Variants in MNS1 observed in about 807,000 individuals in gnomAD.
The protein encoded by MNS1 is meiosis-specific nuclear structural protein 1.
MNS1 carries 63 observed loss-of-function variants against 72.0 expected under a neutral mutation model. The observed-to-expected ratio is 0.87, with a 90% CI of 0.71 to 1.08. MNS1 has a LOEUF of 1.08. Among genes scored for constraint, MNS1 ranks in the 50% least tolerant of loss-of-function variants. The pLI, the probability that MNS1 is intolerant of heterozygous loss-of-function variation, is 0.00. For missense variants in MNS1, 604 were observed against 562.4 expected (o/e 1.07, Z -0.75); for synonymous variants, 188 against 172.1 (o/e 1.09, Z -0.72).
intron 2 of MNS1, among the ~76,000 whole-genome samples, chr15:56,458,283 C>A (rs534247806): frequency 3.6e-4 from 55 of 151,800 alleles, no homozygotes; most frequent in Admixed American, 1.1e-3. Flanking sequence ...AGTTCCAGAG[C>A]CTTAAAAAAA....
chr15:56,442,530 C>G (rs544705458), intron 7 of MNS1, among the ~76,000 whole-genome samples: 1 of 152,296 alleles, frequency 6.6e-6, no homozygotes, highest in East Asian at 1.9e-4. Flanking sequence ...AAATGTGGTA[C>G]ATGTACACCA....
chr15:56,435,225 A>T (rs1213292051), intron 7 of MNS1, among the ~76,000 whole-genome samples: 2 of 152,040 alleles, frequency 1.3e-5, no homozygotes, highest in Non-Finnish European at 2.9e-5. Flanking sequence ...GTATGTAGGA[A>T]AAGTCTCAAA....
intron 2 of MNS1, among the ~76,000 whole-genome samples, chr15:56,460,970 C>T (rs2051016466): frequency 6.6e-6 from 1 of 152,074 alleles, no homozygotes; most frequent in African/African-American, 2.4e-5. Flanking sequence ...GTCCTAAAGC[C>T]TGAGAACCAG....
At chr15:56,464,398 G>T in intron 1 of MNS1, 151 bp from the exon 2 acceptor site, 1 of 612,928 alleles carries the variant, frequency 1.6e-6, no homozygotes, top group Non-Finnish European at 2.8e-6. Context: ...AAGTAAACGT[G>T]GTAAATATGT....
chr15:56,434,014 T>C (rs72742658), intron 8 of MNS1, 124 bp downstream of exon 8: 70,478 of 1,053,342 alleles, frequency 0.067, 2,845 homozygotes, highest in Admixed American at 0.12. Flanking sequence ...AATTTATATA[T>C]ATATTAGTAA....
At position 56,456,340 on chromosome 15, in the gene MNS1, A is replaced by G. The variant is rs927711190; in HGVS notation, c.353+54T>C. On this transcript the variant is annotated intron_variant, in intron 3 of 9. Transcript: ENST00000260453. ...TTCACTTTCAGGTGCTAAGGATTAC[A>G]TAAGAGTTTAAAGATAAAGACTAAA... 5.0e-5 allele frequency: 77 copies of G among 1,529,752 alleles called. No individual in the cohort carries two copies. In the African/African-American group the frequency reaches 9.3e-4, roughly 18 times the overall value. The allele number at this position is 1,529,752 out of a possible 1,614,324, so 94.8% of individuals were successfully genotyped here. A position where few individuals can be genotyped will look rare whatever the true frequency, so the allele number is the denominator to read the frequency against.
In MNS1 at chr15:56,444,573, T is replaced by C. The variant is rs762712101; in HGVS notation, c.557A>G (p.Gln186Arg). Residue 186 changes from glutamine (Q) to arginine (R), a missense_variant, in exon 5 of 10, where the codon CAG (glutamine) becomes CGG (arginine). Gln to Arg is a conservative substitution (Grantham distance 43). Transcript: ENST00000260453. ...AEDKRNKAKA[Q>R]YYLDLEKQLE... is the part of the protein sequence containing the mutation. Reference sequence around the variant, plus strand: ...TTGTTTCTCTAAGTCAAGATAGTACTGTGCTTTCGCTTTGTTTCGTTTGTC... The same window carrying C: ...TTGTTTCTCTAAGTCAAGATAGTACCGTGCTTTCGCTTTGTTTCGTTTGTC... 6.2e-7 allele frequency: 1 copy of C among 1,613,230 alleles called. No homozygotes were observed. The highest frequency in any genetic ancestry group is 1.7e-5 in the Admixed American group (1 of 59,992).
intron 3 of MNS1, 65 bp downstream of exon 3, chr15:56,456,329 C>A: frequency 6.9e-7 from 1 of 1,451,170 alleles, no homozygotes; most frequent in Non-Finnish European, 9.2e-7. Flanking sequence ...CTTTCAGGTG[C>A]TAAGGATTAC....
At position 56,464,019 on chromosome 15, in the gene MNS1, A is replaced by AACTT; in HGVS notation, c.225+3_225+6dup. On this transcript the variant is annotated splice_region_variant and intron_variant, in intron 2 of 9. Transcript: ENST00000260453. ...AAAAAAAAGTAACAATGAATAGTAAAACTTACCTTTTGAATGGCCTCTTCC... is the reference window on the plus strand; with the variant it reads ...AAAAAAAAGTAACAATGAATAGTAAAACTTACTTACCTTTTGAATGGCCTCTTCC... 6.2e-7 allele frequency: 1 copy of AACTT among 1,600,492 alleles called. No homozygotes were observed. Among genetic ancestry groups the AACTT allele is most frequent in the Non-Finnish European group, 8.5e-7 (1 of 1,173,842 alleles).
chr15:56,433,933 C>A (rs1263051698), intron 8 of MNS1, among the ~76,000 whole-genome samples: 1 of 152,032 alleles, frequency 6.6e-6, no homozygotes, highest in Non-Finnish European at 1.5e-5. Flanking sequence ...CTTTTATGTT[C>A]TCAATACCAA....
intron 2 of MNS1, among the ~76,000 whole-genome samples, chr15:56,457,919 C>G (rs758860996): frequency 2.6e-5 from 4 of 151,744 alleles, no homozygotes; most frequent in Admixed American, 6.6e-5. Flanking sequence ...AACCTGTATA[C>G]AAATGTTTAC....
intron 8 of MNS1, among the ~76,000 whole-genome samples, chr15:56,433,170 C>T (rs1313771316): frequency 2.7e-5 from 4 of 148,114 alleles, no homozygotes; most frequent in African/African-American, 9.9e-5. Flanking sequence ...ATACTCTTTC[C>T]TTAGGATGTC....
intron 2 of MNS1, among the ~76,000 whole-genome samples, chr15:56,456,832 T>A (rs2050984574): frequency 6.6e-6 from 1 of 152,154 alleles, no homozygotes; most frequent in Non-Finnish European, 1.5e-5. Flanking sequence ...TTTTCCCTTA[T>A]TCTTTTTCTG....
intron 1 of MNS1, among the ~76,000 whole-genome samples, chr15:56,464,493 C>T (rs1418928575): frequency 6.6e-6 from 1 of 152,048 alleles, no homozygotes; most frequent in African/African-American, 2.4e-5. Context: ...GGTTCTGCAG[C>T]TAATAAATAG....
intron 3 of MNS1, among the ~76,000 whole-genome samples, chr15:56,449,854 CCTG>C (rs2050936114): frequency 6.6e-6 from 1 of 152,120 alleles, no homozygotes; most frequent in Non-Finnish European, 1.5e-5. Flanking sequence ...TTTGCAATAT[CCTG>C]CTATGGTCCA....
chr15:56,429,365 A>G, intron 9 of MNS1, 172 bp from the exon 10 acceptor site: 5 of 540,140 alleles, frequency 9.3e-6, no homozygotes, highest in Non-Finnish European at 1.6e-5. Flanking sequence ...AAGACTTTAC[A>G]TATATATTGA....
chr15:56,450,438 C>A (rs1282113634), intron 3 of MNS1, among the ~76,000 whole-genome samples: 3 of 152,084 alleles, frequency 2.0e-5, no homozygotes, highest in Non-Finnish European at 4.4e-5. Context: ...CTCCCTAACC[C>A]CTGGAATTCC....
intron 2 of MNS1, chr15:56,463,674 C>CA (rs1247731259): frequency 1.1e-5 from 2 of 187,512 alleles, no homozygotes; most frequent in Non-Finnish European, 2.2e-5. Context: ...CCCAGCTATT[C>CA]AGGAGGCTGA....
chr15:56,457,065 A>T (rs1342936759), intron 2 of MNS1, among the ~76,000 whole-genome samples: 1 of 152,208 alleles, frequency 6.6e-6, no homozygotes, highest in African/African-American at 2.4e-5. Flanking sequence ...AATCCAAACA[A>T]GATCCACATA....
Sources: allele counts gnomAD v4.1 joint callset (sites outside exome capture counted in the v4.1 genomes callset), GRCh38; gene constraint gnomAD v4.1.1; transcripts MANE v1.5; gene names NCBI Gene and HGNC (gene_info 2026-07-23, HGNC 2026-07-21).